Variants in CFTR observed in about 807,000 individuals in gnomAD.
CFTR encodes cystic fibrosis transmembrane conductance regulator.
Under a neutral mutation model 171.6 loss-of-function variants are expected in CFTR, and 181 were observed. That is an observed-to-expected ratio of 1.05 (90% CI 0.93 to 1.19). The LOEUF (loss-of-function observed/expected upper bound fraction) is 1.19. Among genes scored for constraint, CFTR ranks in the 50% most tolerant of loss-of-function variants. The pLI is 0.00. For missense variants in CFTR, 1,968 were observed against 1,734.7 expected (o/e 1.13, Z -2.39); for synonymous variants, 583 against 608.0 (o/e 0.96, Z 0.60).
chr7:117,578,895 A>G (rs1425336890), intron 11 of CFTR, among the ~76,000 whole-genome samples: 1 of 152,086 alleles, frequency 6.6e-6, no homozygotes, highest in Non-Finnish European at 1.5e-5. Flanking sequence ...CTTCTAATAT[A>G]ACTCTTCTCT....
At chr7:117,531,236 C>A (rs1218749374) in intron 4 of CFTR, 122 bp downstream of exon 4, 1 of 712,180 alleles carries the variant, frequency 1.4e-6, no homozygotes, top group Non-Finnish European at 2.4e-6. Context: ...ATTTAATATG[C>A]CTATTAAATA....
chr7:117,518,409 A>G (rs887832589), intron 3 of CFTR, among the ~76,000 whole-genome samples: 1 of 147,098 alleles, frequency 6.8e-6, no homozygotes, highest in Non-Finnish European at 1.5e-5. Flanking sequence ...ATTTATATAT[A>G]TGATTATAAT....
chr7:117,665,272 T>C (rs1311147712), intron 25 of CFTR, among the ~76,000 whole-genome samples, 187 bp from the exon 26 acceptor site: 1 of 152,238 alleles, frequency 6.6e-6, no homozygotes, highest in Non-Finnish European at 1.5e-5. Flanking sequence ...TGTTTATTTA[T>C]GGATACTTAG....
intron 4 of CFTR, 85 bp downstream of exon 4, chr7:117,531,199 A>C: frequency 9.9e-7 from 1 of 1,009,244 alleles, no homozygotes; most frequent in Non-Finnish European, 1.5e-6. Context: ...GTGAGCTGGT[A>C]CAAGTAAGGG....
In CFTR at chr7:117,530,975, G is replaced by C. The variant is rs78655421; in HGVS notation, c.350G>C (p.Arg117Pro). ...ASYDPDNKEE[R>P]SIAIYLGIGL... is the part of the protein sequence containing the mutation. ...TATGACCCGGATAACAAGGAGGAAC[G>C]CTCTATCGCGATTTATCTAGGCATA... The change falls in exon 4 of 27, where the codon CGC (arginine) becomes CCC (proline). Residue 117 changes from arginine to proline, a missense_variant. Physicochemically the swap from Arg to Pro is moderately radical, Grantham distance 103. Coordinates refer to ENST00000003084, the MANE Select transcript of CFTR (RefSeq NM_000492.4). The C allele has an allele frequency of 1.2e-6, 2 of 1,613,708 alleles. No individual in the cohort carries two copies. The highest frequency in any genetic ancestry group is 1.7e-6 in the Non-Finnish European group (2 of 1,179,764).
intron 3 of CFTR, among the ~76,000 whole-genome samples, chr7:117,521,489 T>A (rs1798685978): frequency 6.6e-6 from 1 of 152,120 alleles, no homozygotes; most frequent in Non-Finnish European, 1.5e-5. Flanking sequence ...ATTAAGAACA[T>A]TTATTGGAAA....
At position 117,603,738 on chromosome 7, in the gene CFTR, C is replaced by T; in HGVS notation, c.2864C>T (p.Ser955Phe). ...ATTTTACACCACAAAATGTTACATT[C>T]TGTTCTTCAAGCACCTATGTCAACC... ...SKILHHKMLH[S>F]VLQAPMSTLN... Residue 955 changes from serine (S) to phenylalanine (F), a missense_variant, in exon 17 of 27, where the codon TCT (serine) becomes TTT (phenylalanine). Transcript: ENST00000003084. The T allele has an allele frequency of 6.2e-7, 1 of 1,613,904 alleles. No homozygotes were observed. Among genetic ancestry groups the T allele is most frequent in the Non-Finnish European group, 8.5e-7 (1 of 1,179,822 alleles).
chr7:117,664,073 T>G (rs1793328550), intron 24 of CFTR, among the ~76,000 whole-genome samples: 1 of 152,202 alleles, frequency 6.6e-6, no homozygotes, highest in Admixed American at 6.5e-5. Context: ...ACTTCATAGT[T>G]TTACCTATTT....
intron 10 of CFTR, among the ~76,000 whole-genome samples, chr7:117,556,688 T>C (rs1288320118): frequency 6.7e-6 from 1 of 149,332 alleles, no homozygotes; most frequent in Non-Finnish European, 1.5e-5. Context: ...CCCGGCTAAT[T>C]TTTTGTATTT....
chr7:117,516,146 T>G (rs981911376), intron 3 of CFTR, among the ~76,000 whole-genome samples: 1 of 152,318 alleles, frequency 6.6e-6, no homozygotes, highest in Non-Finnish European at 1.5e-5. Context: ...CTAACTAGTG[T>G]CCTTTAATGA....
chr7:117,548,491 T>C, intron 9 of CFTR, 150 bp from the exon 10 acceptor site: 1 of 1,417,996 alleles, frequency 7.1e-7, no homozygotes, highest in East Asian at 2.6e-5. Flanking sequence ...AATTATGTAC[T>C]ATAAAGTAAT....
At chr7:117,539,971 G>T in intron 7 of CFTR, 129 bp from the exon 8 acceptor site, 1 of 735,044 alleles carries the variant, frequency 1.4e-6, no homozygotes. Flanking sequence ...CAGGTCATAT[G>T]ATGTGGAGCC....
At position 117,480,061 on chromosome 7, in the gene CFTR, CG is replaced by C. The variant is rs762361426; in HGVS notation, c.-32del. The C allele has an allele frequency of 7.5e-6, 12 of 1,606,042 alleles. No homozygotes were observed. In the South Asian group the frequency reaches 1.3e-4, roughly 18 times the overall value. ...TTGGCATTAGGAGCTTGAGCCCAGA[CG>C]GCCCTAGCAGGGACCCCAGCGCCCG... is the stretch of plus-strand genomic sequence containing the variant. On this transcript the variant is annotated 5_prime_UTR_variant, in exon 1 of 27. Transcript: ENST00000003084.
intron 11 of CFTR, among the ~76,000 whole-genome samples, chr7:117,580,770 A>G (rs777283711): frequency 1.1e-4 from 17 of 152,144 alleles, no homozygotes; most frequent in Non-Finnish European, 1.9e-4. Context: ...TCATAAATCT[A>G]CTTTCTTACA....
At chr7:117,542,419 A>T (rs1161091835) in intron 9 of CFTR, among the ~76,000 whole-genome samples, 1 of 152,062 alleles carries the variant, frequency 6.6e-6, no homozygotes, top group African/African-American at 2.4e-5. Flanking sequence ...ATGGTGGCAG[A>T]TGCTGTAGTC....
chr7:117,570,193 T>TA (rs1309095469), intron 11 of CFTR, among the ~76,000 whole-genome samples: 2,426 of 120,608 alleles, frequency 0.02, 24 homozygotes, highest in African/African-American at 0.034. Flanking sequence ...TCTCCTTACT[T>TA]AAAAAAAAAA....
intron 10 of CFTR, among the ~76,000 whole-genome samples, chr7:117,549,071 G>GT (rs1799222877): frequency 6.6e-6 from 1 of 152,206 alleles, no homozygotes; most frequent in Non-Finnish European, 1.5e-5. Flanking sequence ...ATTCAACACT[G>GT]TATCTTGCAC....
rs397508531 is a variant in CFTR at position 117,611,733 on chromosome 7, T to C, written c.3292T>C (p.Trp1098Arg). The change falls in exon 20 of 27, where the codon TGG becomes CGG. Residue 1098 changes from tryptophan (W) to arginine (R), a missense_variant. Coordinates refer to ENST00000003084, the MANE Select transcript of CFTR (RefSeq NM_000492.4). ...GTTCTTGTACCTGTCAACACTGCGC[T>C]GGTTCCAAATGAGAATAGAAATGAT... The part of the protein sequence containing the change: ...NWFLYLSTLR[W>R]FQMRIEMIFV... 5.6e-6 allele frequency: 9 copies of C among 1,613,628 alleles called. No individual in the cohort carries two copies. Among genetic ancestry groups the C allele is most frequent in the African/African-American group, 1.3e-5 (1 of 74,982 alleles).
intron 3 of CFTR, among the ~76,000 whole-genome samples, chr7:117,511,539 C>T (rs1029061372): frequency 1.3e-5 from 2 of 152,174 alleles, no homozygotes; most frequent in African/African-American, 4.8e-5. Context: ...TTTCCATCAT[C>T]TCAACTCCTA....
Sources: gnomAD v4.1 joint callset for allele counts (sites outside exome capture counted in the v4.1 genomes callset) on GRCh38, gnomAD v4.1.1 for gene constraint, MANE v1.5 for transcripts, NCBI Gene and HGNC (gene_info 2026-07-23, HGNC 2026-07-21) for gene names.